Variants in RPLP1 observed in about 807,000 individuals in gnomAD.
RPLP1 encodes the protein large ribosomal subunit protein P1.
Under a neutral mutation model 11.6 loss-of-function variants are expected in RPLP1, and 4 were observed. The observed-to-expected ratio is 0.34, with a 90% CI of 0.17 to 0.79. RPLP1 has a LOEUF of 0.79. Ranked by LOEUF, RPLP1 falls within the 30% of genes least tolerant of loss-of-function variation. RPLP1 has a pLI of 0.55. For missense variants in RPLP1, 133 were observed against 142.8 expected (o/e 0.93, Z 0.35); for synonymous variants, 54 against 52.2 (o/e 1.03, Z -0.15).
intron 2 of RPLP1, chr15:69,453,994 G>T: frequency 1.9e-6 from 1 of 529,356 alleles, no homozygotes; most frequent in Non-Finnish European, 3.4e-6. Flanking sequence ...GGTCACTCGG[G>T]AGATAGGTAC....
intron 2 of RPLP1, chr15:69,453,964 G>C (rs1184233030): frequency 1.3e-5 from 7 of 554,308 alleles, no homozygotes; most frequent in Non-Finnish European, 2.2e-5. Context: ...ATGTGAATCA[G>C]GTCATTTATT....
Position 69,455,776 on chromosome 15 carries a change from G to A in RPLP1, c.*269G>A, listed in dbSNP as rs969979577. On this transcript the variant is annotated 3_prime_UTR_variant, in exon 4 of 4. Transcript: ENST00000260379. The stretch of plus-strand genomic sequence containing the variant: ...AGGATCAGAGCAGATGCTTTGTCCA[G>A]GTTACCTGTGTAAACTTGATGATTA... 9.0e-6 allele frequency: 4 copies of A among 443,194 alleles called. No homozygotes were observed. The highest frequency in any genetic ancestry group is 6.1e-4 in the Middle Eastern group (1 of 1,640). The allele number at this position is 443,194 out of a possible 1,614,324, so 27.5% of individuals were successfully genotyped here.
chr15:69,455,676 T>C lies in RPLP1; in HGVS notation c.*169T>C, dbSNP rs1403709572. The C allele has an allele frequency of 4.9e-6, 3 of 609,860 alleles. No homozygotes were observed. The highest frequency in any genetic ancestry group is 8.6e-6 in the Non-Finnish European group (3 of 348,944). 37.8% of individuals were successfully genotyped at this position (609,860 alleles called of 1,614,324 possible). On this transcript the variant is annotated 3_prime_UTR_variant, in exon 4 of 4. Transcript: ENST00000260379. Reference sequence around the variant, plus strand: ...CCTGCCACCATTGCCGGATGTGAGATTTAGACAATCCTGATGCTAACAAGA... The same window carrying C: ...CCTGCCACCATTGCCGGATGTGAGACTTAGACAATCCTGATGCTAACAAGA...
At chr15:69,453,462 C>T (rs1892384275) in intron 1 of RPLP1, 185 bp from the exon 2 acceptor site, 3 of 664,024 alleles carry the variant, frequency 4.5e-6, no homozygotes, top group Non-Finnish European at 5.2e-6. Context: ...CAGGCAAGTC[C>T]CAGCCCGTGA....
At position 69,455,419 on chromosome 15, in the gene RPLP1, T is replaced by C; in HGVS notation, c.266-9T>C. On this transcript the variant is annotated splice_polypyrimidine_tract_variant and intron_variant, in intron 3 of 3. Coordinates refer to ENST00000260379, the MANE Select transcript of RPLP1 (RefSeq NM_001003.3). ...AAATCCTAACACCTGATTGACTTTT[T>C]TTTTCTAGCTGAGGAGAAGAAAGTG... 2 of 1,603,936 alleles carry C rather than the reference T, an allele frequency of 1.2e-6. No individual in the cohort carries two copies. The highest frequency in any genetic ancestry group is 1.7e-6 in the Non-Finnish European group (2 of 1,177,354).
chr15:69,455,381 A>G, intron 3 of RPLP1, 47 bp from the exon 4 acceptor site: 1 of 1,572,888 alleles, frequency 6.4e-7, no homozygotes, highest in Admixed American at 2.0e-5. Flanking sequence ...TTTCACAAGT[A>G]TATGAAGTAT....
Position 69,455,464 on chromosome 15 carries a change from C to A in RPLP1, c.302C>A (p.Ser101Tyr). ...AAAGTGGAAGCAAAGAAAGAAGAATCCGAGGAGTCTGATGATGACATGGGC... is the reference window on the plus strand; with the variant it reads ...AAAGTGGAAGCAAAGAAAGAAGAATACGAGGAGTCTGATGATGACATGGGC... The part of the protein sequence containing the change: ...EKKVEAKKEE[S>Y]EESDDDMGFG... Residue 101 changes from serine to tyrosine, a missense_variant, in exon 4 of 4, where the codon TCC becomes TAC. Physicochemically the swap from Ser to Tyr is moderately radical, Grantham distance 144. Transcript: ENST00000260379. 6.2e-7 allele frequency: 1 copy of A among 1,611,250 alleles called. No individual in the cohort carries two copies. Among genetic ancestry groups the A allele is most frequent in the Non-Finnish European group, 8.5e-7 (1 of 1,179,688 alleles).
chr15:69,454,993 G>A, intron 2 of RPLP1, 177 bp from the exon 3 acceptor site: 2 of 832,934 alleles, frequency 2.4e-6, no homozygotes, highest in Non-Finnish European at 3.5e-6. Flanking sequence ...AAGTCTACAT[G>A]TTTGGTACAC....
In RPLP1 at chr15:69,456,061, GAAAAA is replaced by G. The variant is rs35544190; in HGVS notation, c.*561_*565del. On this transcript the variant is annotated 3_prime_UTR_variant, in exon 4 of 4. Transcript: ENST00000260379. ...TTAAGGTCTCCAGTTACACAAAGTGGAAAAAAAAAAAGATTCAAACCTGTGTTCCA... is the reference window on the plus strand; with the variant it reads ...TTAAGGTCTCCAGTTACACAAAGTGGAAAAAAGATTCAAACCTGTGTTCCA... 6.6e-6 allele frequency: 1 copy of G among 150,398 alleles called. No individual in the cohort carries two copies. The highest frequency in any genetic ancestry group is 1.5e-5 in the Non-Finnish European group (1 of 67,720). The allele number at this position is 150,398 out of a possible 1,614,324, so 9.3% of individuals were successfully genotyped here. A position where few individuals can be genotyped will look rare whatever the true frequency, so the allele number is the denominator to read the frequency against.
At position 69,455,286 on chromosome 15, in the gene RPLP1, A is replaced by G. The variant is rs1386431091; in HGVS notation, c.264A>G (p.Pro88=). Residue 88 remains proline, a splice_region_variant and synonymous_variant, in exon 3 of 4, where the codon CCA becomes CCG. Coordinates refer to ENST00000260379, the MANE Select transcript of RPLP1 (RefSeq NM_001003.3). ...GGPAPSTAAA[P]AEEKKVEAKK... is the part of the protein sequence containing the mutation. Reference sequence around the variant, plus strand: ...CTGCCCCCTCCACTGCTGCTGCTCCAGGTAGGAAACATGGAGTTTTTAGTA... The same window carrying G: ...CTGCCCCCTCCACTGCTGCTGCTCCGGGTAGGAAACATGGAGTTTTTAGTA... 5.2e-6 allele frequency: 8 copies of G among 1,551,162 alleles called. No individual in the cohort carries two copies. Among genetic ancestry groups the G allele is most frequent in the Non-Finnish European group, 6.9e-6 (8 of 1,153,588 alleles).
Position 69,455,645 on chromosome 15 carries a change from AT to A in RPLP1, c.*142del, listed in dbSNP as rs1892424873. The A allele has an allele frequency of 1.5e-6, 1 of 652,716 alleles. No homozygotes were observed. The highest frequency in any genetic ancestry group is 1.8e-5 in the African/African-American group (1 of 54,868). 40.4% of individuals were successfully genotyped at this position (652,716 alleles called of 1,614,324 possible). A position where few individuals can be genotyped will look rare whatever the true frequency, so the allele number is the denominator to read the frequency against. ...CCTATTCTGCCATGACACAGGCTGG[AT>A]TTTCCCTGCCACCATTGCCGGATGT... On this transcript the variant is annotated 3_prime_UTR_variant, in exon 4 of 4. Transcript: ENST00000260379.
At position 69,455,268 on chromosome 15, in the gene RPLP1, C is replaced by G. The variant is rs781571198; in HGVS notation, c.246C>G (p.Pro82=). 2 of 1,566,198 alleles carry G rather than the reference C, an allele frequency of 1.3e-6. No individual in the cohort carries two copies. Among genetic ancestry groups the G allele is most frequent in the Admixed American group, 4.0e-5 (2 of 49,582 alleles). ...AGAAPAGGPA[P]STAAAPAEEK... is the part of the protein sequence containing the mutation. Reference sequence around the variant, plus strand: ...CTGCACCAGCAGGAGGTCCTGCCCCCTCCACTGCTGCTGCTCCAGGTAGGA... The same window carrying G: ...CTGCACCAGCAGGAGGTCCTGCCCCGTCCACTGCTGCTGCTCCAGGTAGGA... Residue 82 remains proline, a synonymous_variant, in exon 3 of 4, where the codon CCC becomes CCG. Transcript: ENST00000260379.
intron 2 of RPLP1, 83 bp downstream of exon 2, chr15:69,453,804 T>C: frequency 7.1e-7 from 1 of 1,401,918 alleles, no homozygotes; most frequent in South Asian, 1.2e-5. Context: ...CCCCCAGCGG[T>C]GCCATAACGC....
At position 69,455,558 on chromosome 15, in the gene RPLP1, C is replaced by T. The variant is rs1381151634; in HGVS notation, c.*51C>T. ...AAAGCTGAACTTTACTGCTGTTGGT[C>T]TTGTCCATAGTTTTGGAATGTGCTC... On this transcript the variant is annotated 3_prime_UTR_variant, in exon 4 of 4. Transcript: ENST00000260379. The T allele has an allele frequency of 2.2e-6, 3 of 1,375,924 alleles. No individual in the cohort carries two copies. The highest frequency in any genetic ancestry group is 2.9e-5 in the African/African-American group (2 of 68,848). The allele number at this position is 1,375,924 out of a possible 1,614,324, so 85.2% of individuals were successfully genotyped here.
intron 1 of RPLP1, 96 bp from the exon 2 acceptor site, chr15:69,453,551 T>C: frequency 7.5e-7 from 1 of 1,331,834 alleles, no homozygotes; most frequent in Non-Finnish European, 1.1e-6. Context: ...TTTGAGCTGG[T>C]TAAACATGTT....
At chr15:69,454,758 C>T (rs1892409229) in intron 2 of RPLP1, 1 of 153,062 alleles carries the variant, frequency 6.5e-6, no homozygotes, top group African/African-American at 2.4e-5. Context: ...GGAGGGAAAT[C>T]AGCTGCCTCA....
Position 69,455,263 on chromosome 15 carries a change from G to T in RPLP1, c.241G>T (p.Ala81Ser). 6.3e-7 allele frequency: 1 copy of T among 1,577,686 alleles called. No homozygotes were observed. The highest frequency in any genetic ancestry group is 8.6e-7 in the Non-Finnish European group (1 of 1,163,560). The change falls in exon 3 of 4, where the codon GCC (alanine) becomes TCC (serine). Residue 81 changes from alanine (A) to serine (S), a missense_variant. By Grantham distance (99) the Ala-to-Ser change is moderately conservative. Transcript: ENST00000260379. ...AAGAAPAGGP[A>S]PSTAAAPAEE... Reference sequence around the variant, plus strand: ...TGGTGCTGCACCAGCAGGAGGTCCTGCCCCCTCCACTGCTGCTGCTCCAGG... The same window carrying T: ...TGGTGCTGCACCAGCAGGAGGTCCTTCCCCCTCCACTGCTGCTGCTCCAGG...
Position 69,455,831 on chromosome 15 carries a change from G to A in RPLP1, c.*324G>A. 1 of 251,800 alleles carries A rather than the reference G, an allele frequency of 4.0e-6. No individual in the cohort carries two copies. Among genetic ancestry groups the A allele is most frequent in the South Asian group, 8.0e-5 (1 of 12,440 alleles). The allele number at this position is 251,800 out of a possible 1,614,324, so 15.6% of individuals were successfully genotyped here. On this transcript the variant is annotated 3_prime_UTR_variant, in exon 4 of 4. Transcript: ENST00000260379. The stretch of plus-strand genomic sequence containing the variant: ...GTGTGTCCCCTACACTGGGGGTGGA[G>A]GGTAATACAGACCAGCTTTAGAAAG...
chr15:69,455,553 T>C lies in RPLP1; in HGVS notation c.*46T>C, dbSNP rs201563838. The C allele has an allele frequency of 1.2e-5, 17 of 1,414,814 alleles. No homozygotes were observed. The East Asian group carries it at 3.7e-4, about 31-fold the overall frequency. The allele number at this position is 1,414,814 out of a possible 1,614,324, so 87.6% of individuals were successfully genotyped here. A position where few individuals can be genotyped will look rare whatever the true frequency, so the allele number is the denominator to read the frequency against. ...AATAAAAAGCTGAACTTTACTGCTG[T>C]TGGTCTTGTCCATAGTTTTGGAATG... On this transcript the variant is annotated 3_prime_UTR_variant, in exon 4 of 4. Coordinates refer to ENST00000260379, the MANE Select transcript of RPLP1 (RefSeq NM_001003.3).
Sources: allele counts gnomAD v4.1 joint callset, GRCh38; gene constraint gnomAD v4.1.1; transcripts MANE v1.5; gene names NCBI Gene and HGNC (gene_info 2026-07-23, HGNC 2026-07-21).